Variants in GUCY1A2 observed in about 807,000 individuals in gnomAD.
The protein encoded by GUCY1A2 is guanylate cyclase soluble subunit alpha-2.
A neutral mutation model predicts 63.5 loss-of-function variants in GUCY1A2; 27 were observed. The ratio of observed to expected loss-of-function variants is 0.43; its 90% CI spans 0.31 to 0.59. GUCY1A2 has a LOEUF of 0.59. GUCY1A2 is among the 20% of genes least tolerant of loss of function. The pLI, the probability that GUCY1A2 is intolerant of heterozygous loss-of-function variation, is 0.11. For synonymous variants in GUCY1A2, 364 were observed against 343.5 expected (o/e 1.06, Z -0.66); for missense variants, 768 against 913.3 (o/e 0.84, Z 2.05).
At chr11:106,783,857 C>T (rs1864509356) in intron 5 of GUCY1A2, among the ~76,000 whole-genome samples, 1 of 152,154 alleles carries the variant, frequency 6.6e-6, no homozygotes, top group Non-Finnish European at 1.5e-5. Context: ...CAAAAGGTGG[C>T]ATCCCAGAAG....
At chr11:106,771,594 T>A (rs904776667) in intron 6 of GUCY1A2, among the ~76,000 whole-genome samples, 2 of 151,840 alleles carry the variant, frequency 1.3e-5, no homozygotes, top group Non-Finnish European at 2.9e-5. Flanking sequence ...ACTAAAAAGT[T>A]TTTTTTAAAT....
chr11:106,870,586 C>T (rs556246161), intron 4 of GUCY1A2, among the ~76,000 whole-genome samples: 76 of 152,184 alleles, frequency 5.0e-4, no homozygotes, highest in African/African-American at 1.6e-3. Flanking sequence ...GAGCTTGCTA[C>T]ACATCTAAAG....
chr11:106,757,375 T>A (rs1183570238), intron 6 of GUCY1A2, among the ~76,000 whole-genome samples: 3 of 152,188 alleles, frequency 2.0e-5, no homozygotes, highest in African/African-American at 4.8e-5. Context: ...TCATTCTCCA[T>A]CCAGTTTTGT....
intron 7 of GUCY1A2, among the ~76,000 whole-genome samples, chr11:106,707,752 AT>A (rs1862941835): frequency 6.6e-6 from 1 of 152,072 alleles, no homozygotes; most frequent in African/African-American, 2.4e-5. Flanking sequence ...AATAGGGGAA[AT>A]TTCTACCAGA....
In GUCY1A2 at chr11:106,716,529, C is replaced by T. The variant is rs888371461; in HGVS notation, c.1837-7863G>A. On this transcript the variant is annotated intron_variant, in intron 6 of 7. Transcript: ENST00000526355. ...ATTCGCTTTCTCCCGTTCTCAGCTCCGCAGGTTTGGTGGGACTGACGCCAC... is the reference window on the plus strand; with the variant it reads ...ATTCGCTTTCTCCCGTTCTCAGCTCTGCAGGTTTGGTGGGACTGACGCCAC... 6.6e-5 allele frequency among the ~76,000 whole-genome samples: 10 copies of T among 152,046 alleles called. No individual in the cohort carries two copies. The East Asian group carries it at 1.4e-3, about 21-fold the overall frequency.
intron 3 of GUCY1A2, 76 bp from the exon 4 acceptor site, chr11:106,940,254 C>CA: frequency 1.4e-6 from 1 of 712,292 alleles, no homozygotes; most frequent in Non-Finnish European, 2.4e-6. Context: ...AAGTGCTTAT[C>CA]AAAAGAGTAA....
At chr11:107,006,262 T>C (rs1249949384) in intron 1 of GUCY1A2, among the ~76,000 whole-genome samples, 2 of 152,218 alleles carry the variant, frequency 1.3e-5, no homozygotes, top group Non-Finnish European at 1.5e-5. Context: ...TCATGAGTAA[T>C]AGTAAACACA....
intron 6 of GUCY1A2, among the ~76,000 whole-genome samples, chr11:106,741,644 C>T (rs1863695933): frequency 6.6e-6 from 1 of 152,114 alleles, no homozygotes; most frequent in African/African-American, 2.4e-5. Context: ...TCAGAATTAT[C>T]CTGGAGAAAG....
intron 3 of GUCY1A2, among the ~76,000 whole-genome samples, chr11:106,971,121 G>T (rs1345986201): frequency 4.6e-5 from 7 of 151,880 alleles, no homozygotes; most frequent in Admixed American, 1.3e-4. Context: ...GCAAGTATTT[G>T]GTATGATGTT....
chr11:106,972,377 T>G (rs1290105814), intron 3 of GUCY1A2, among the ~76,000 whole-genome samples: 3 of 151,828 alleles, frequency 2.0e-5, no homozygotes, highest in Non-Finnish European at 4.4e-5. Flanking sequence ...TAAAAAAAAC[T>G]TAAAGGGAAA....
At chr11:106,848,519 ATCTTCTTGT>A (rs1366274874) in intron 4 of GUCY1A2, among the ~76,000 whole-genome samples, 1 of 151,682 alleles carries the variant, frequency 6.6e-6, no homozygotes, top group Non-Finnish European at 1.5e-5. Context: ...ATGGTAGCAT[ATCTTCTTGT>A]TTTAACAGTG....
chr11:106,939,574 G>A lies in GUCY1A2; in HGVS notation c.1092C>T (p.Phe364=), dbSNP rs200299084. The change falls in exon 4 of 8, where the codon TTC becomes TTT. Residue 364 remains phenylalanine (F), a synonymous_variant. Transcript: ENST00000526355. ...THKVLKFEDC[F]EIVSPKVNAT... ...CATTAACCTTTGGAGATACAATCTC[G>A]AAGCAGTCCTCAAACTTGAGCACTT... The A allele has an allele frequency of 3.7e-6, 6 of 1,613,498 alleles. No individual in the cohort carries two copies. Among genetic ancestry groups the A allele is most frequent in the East Asian group, 4.5e-5 (2 of 44,866 alleles).
At chr11:106,799,640 A>G (rs1046748254) in intron 5 of GUCY1A2, among the ~76,000 whole-genome samples, 2 of 152,204 alleles carry the variant, frequency 1.3e-5, no homozygotes, top group African/African-American at 4.8e-5. Context: ...AGAAATGGGG[A>G]AAGGATTCCC....
chr11:106,775,705 C>T (rs1348652433), intron 6 of GUCY1A2, among the ~76,000 whole-genome samples: 1 of 149,538 alleles, frequency 6.7e-6, no homozygotes, highest in African/African-American at 2.5e-5. Flanking sequence ...CCCCCGCCCC[C>T]GTGTTTTCTT....
chr11:106,872,556 T>C (rs1177937056), intron 4 of GUCY1A2, among the ~76,000 whole-genome samples: 12 of 152,090 alleles, frequency 7.9e-5, no homozygotes, highest in Non-Finnish European at 1.6e-4. Flanking sequence ...ATAAAAGAGA[T>C]TTATACTAAT....
At chr11:106,913,624 AT>A (rs1284512503) in intron 4 of GUCY1A2, among the ~76,000 whole-genome samples, 5 of 152,094 alleles carry the variant, frequency 3.3e-5, no homozygotes, top group Non-Finnish European at 7.4e-5. Context: ...CAAACAAACC[AT>A]ATTCAAACTA....
chr11:106,917,371 G>A lies in GUCY1A2; in HGVS notation c.1206+22089C>T, dbSNP rs1269567502. On this transcript the variant is annotated intron_variant, in intron 4 of 7. Transcript: ENST00000526355. ...TATGGTACAGAGTGACAAGACAAGG[G>A]GTTGGAGGTAAACAGCAGCCAGATA... 1.4e-5 allele frequency among the ~76,000 whole-genome samples: 2 copies of A among 145,384 alleles called. 1 individual carries two copies. The highest frequency in any genetic ancestry group is 3.1e-5 in the Non-Finnish European group (2 of 64,754).
chr11:106,879,132 T>C (rs1267184908), intron 4 of GUCY1A2, among the ~76,000 whole-genome samples: 3 of 152,234 alleles, frequency 2.0e-5, no homozygotes, highest in Admixed American at 1.3e-4. Flanking sequence ...GCGTTAATTG[T>C]CTGAAGTACA....
intron 3 of GUCY1A2, among the ~76,000 whole-genome samples, chr11:106,949,907 G>A (rs962247189): frequency 5.9e-5 from 9 of 152,116 alleles, no homozygotes; most frequent in Admixed American, 1.3e-4. Context: ...AAAACCAATG[G>A]ATTAATGAAA....
Sources: allele counts gnomAD v4.1 joint callset (sites outside exome capture counted in the v4.1 genomes callset), GRCh38; gene constraint gnomAD v4.1.1; transcripts MANE v1.5; gene names NCBI Gene and HGNC (gene_info 2026-07-23, HGNC 2026-07-21).